The following KIN variants were observed in gnomAD, a reference collection of about 807,000 sequenced individuals.
KIN encodes the protein Kin17 DNA and RNA binding protein.
A neutral mutation model predicts 63.0 loss-of-function variants in KIN; 47 were observed. That is an observed-to-expected ratio of 0.75 (90% CI 0.59 to 0.95). The LOEUF is 0.95. Ranked by LOEUF, KIN falls within the 40% of genes least tolerant of loss-of-function variation. The pLI is 0.00. For missense variants in KIN, 408 were observed against 460.9 expected (o/e 0.89, Z 1.05); for synonymous variants, 160 against 157.7 (o/e 1.01, Z -0.11).
intron 7 of KIN, among the ~76,000 whole-genome samples, chr10:7,769,884 G>GT (rs769127357): frequency 5.2e-4 from 79 of 152,258 alleles, no homozygotes; most frequent in Non-Finnish European, 9.9e-4. Flanking sequence ...AGTTCTCAAC[G>GT]TGTTACTTAA....
rs374245592 is a variant in KIN at position 7,763,731 on chromosome 10, T to G, written c.910A>C (p.Ile304Leu). The G allele has an allele frequency of 1.5e-5, 22 of 1,486,502 alleles. No individual in the cohort carries two copies. Among genetic ancestry groups the G allele is most frequent in the Middle Eastern group, 1.7e-4 (1 of 5,804 alleles). 92.1% of individuals were successfully genotyped at this position (1,486,502 alleles called of 1,614,324 possible). The change falls in exon 10 of 13, where the codon ATT (isoleucine) becomes CTT (leucine). Residue 304 changes from isoleucine (I) to leucine (L), a missense_variant. Coordinates refer to ENST00000379562, the MANE Select transcript of KIN (RefSeq NM_012311.4). ...TAATTGCACGTCCTTACCTTAACAA[T>G]AGCCTTTTTCTTATGATATTTCTCT... ...LGEKYHKKKAIVKEVIDKYTA... is the reference protein window; with the variant it reads ...LGEKYHKKKALVKEVIDKYTA...
At chr10:7,778,762 C>CAACAAA (rs1554770685) in intron 5 of KIN, 76 bp downstream of exon 5, 1 of 1,473,760 alleles carries the variant, frequency 6.8e-7, no homozygotes. Context: ...ACAACAAAAA[C>CAACAAA]AAAAAAGAAA....
At chr10:7,760,553 C>T (rs908250695) in intron 11 of KIN, among the ~76,000 whole-genome samples, 2 of 152,170 alleles carry the variant, frequency 1.3e-5, no homozygotes, top group South Asian at 2.1e-4. Flanking sequence ...GTAGTCCCCC[C>T]TTATCCCAGG....
intron 1 of KIN, among the ~76,000 whole-genome samples, chr10:7,786,593 G>A (rs1051463171): frequency 6.0e-5 from 9 of 150,826 alleles, no homozygotes; most frequent in African/African-American, 2.0e-4. Flanking sequence ...GGGTGGGACC[G>A]TATCTCAAAA....
At chr10:7,765,159 C>CA (rs35343111) in intron 9 of KIN, among the ~76,000 whole-genome samples, 43,729 of 92,992 alleles carry the variant, frequency 0.47, 8,987 homozygotes, top group Non-Finnish European at 0.53. Context: ...AACTCCATCT[C>CA]AAAAAAAAAA....
chr10:7,762,207 G>A (rs767152125), intron 11 of KIN, among the ~76,000 whole-genome samples: 8 of 150,308 alleles, frequency 5.3e-5, no homozygotes, highest in Non-Finnish European at 1.0e-4. Flanking sequence ...ATATGTCTAC[G>A]TTTTGCTTCA....
intron 5 of KIN, among the ~76,000 whole-genome samples, chr10:7,778,430 C>A (rs1385344157): frequency 6.6e-6 from 1 of 152,128 alleles, no homozygotes; most frequent in Non-Finnish European, 1.5e-5. Flanking sequence ...GCCCACAGAA[C>A]TTGATTCAAC....
chr10:7,759,775 G>C lies in KIN; in HGVS notation c.1119+115C>G, dbSNP rs754831476. Reference sequence around the variant, plus strand: ...AATAAGCTTACAGATTTCCAAATAGGATAGAAGGCTAACAAAAAACTCAAA... The same window carrying C: ...AATAAGCTTACAGATTTCCAAATAGCATAGAAGGCTAACAAAAAACTCAAA... On this transcript the variant is annotated intron_variant, in intron 12 of 12. Transcript: ENST00000379562. 3 of 598,690 alleles carry C rather than the reference G, an allele frequency of 5.0e-6. No homozygotes were observed. The African/African-American group carries it at 5.8e-5, about 12-fold the overall frequency. The allele number at this position is 598,690 out of a possible 1,614,324, so 37.1% of individuals were successfully genotyped here.
chr10:7,774,907 GT>G lies in KIN; in HGVS notation c.608-17del. The G allele has an allele frequency of 6.3e-7, 1 of 1,583,354 alleles. No individual in the cohort carries two copies. ...TTAAACGTGACTAGAAGAAAAAAAT[GT>G]TATTCCATACATACATTTCAAGAAA... is the stretch of plus-strand genomic sequence containing the variant. On this transcript the variant is annotated splice_polypyrimidine_tract_variant and intron_variant, in intron 6 of 12. Transcript: ENST00000379562.
chr10:7,754,239 G>A lies in KIN; in HGVS notation c.*1841C>T, dbSNP rs1835288020. 6 of 375,548 alleles carry A rather than the reference G, an allele frequency of 1.6e-5. No homozygotes were observed. The Admixed American group carries it at 1.9e-4, about 12-fold the overall frequency. The allele number at this position is 375,548 out of a possible 1,614,324, so 23.3% of individuals were successfully genotyped here. ...CCAGCTACTCGGGAGGCTGAGGTGG[G>A]AGAATCAATGACCTAAGCCCAGGAG... On this transcript the variant is annotated 3_prime_UTR_variant, in exon 13 of 13. Coordinates refer to ENST00000379562, the MANE Select transcript of KIN (RefSeq NM_012311.4).
At chr10:7,771,369 C>T (rs575613747) in intron 7 of KIN, among the ~76,000 whole-genome samples, 3 of 152,306 alleles carry the variant, frequency 2.0e-5, no homozygotes, top group African/African-American at 7.2e-5. Flanking sequence ...CTATCATAAT[C>T]TGTTGGAAAT....
chr10:7,763,546 T>C (rs1193350884), intron 10 of KIN, among the ~76,000 whole-genome samples, 177 bp downstream of exon 10: 7 of 152,176 alleles, frequency 4.6e-5, no homozygotes, highest in Admixed American at 3.3e-4. Flanking sequence ...AAACTATGGA[T>C]GAAAAAGAAA....
intron 9 of KIN, among the ~76,000 whole-genome samples, chr10:7,764,236 TGC>T (rs1835495697): frequency 2.6e-5 from 4 of 152,234 alleles, no homozygotes; most frequent in African/African-American, 9.6e-5. Flanking sequence ...TGCAAGCTTA[TGC>T]AGGACAGTTC....
rs562264376 is a variant in KIN at position 7,771,642 on chromosome 10, C to T, written c.669-2297G>A. Among the ~76,000 whole-genome samples, 8 of 152,170 alleles carry T rather than the reference C, an allele frequency of 5.3e-5. No individual in the cohort carries two copies. In the South Asian group the frequency reaches 1.2e-3, roughly 24 times the overall value. Reference sequence around the variant, plus strand: ...GCGCGGTGGCTCATGCCTGAAATCCCGGCACTTTGGGAGGCTGAGACAGGT... The same window carrying T: ...GCGCGGTGGCTCATGCCTGAAATCCTGGCACTTTGGGAGGCTGAGACAGGT... On this transcript the variant is annotated intron_variant, in intron 7 of 12. Coordinates refer to ENST00000379562, the MANE Select transcript of KIN (RefSeq NM_012311.4).
intron 1 of KIN, among the ~76,000 whole-genome samples, chr10:7,786,781 C>T (rs892575210): frequency 1.3e-5 from 2 of 152,166 alleles, no homozygotes; most frequent in Non-Finnish European, 2.9e-5. Context: ...TTAAACCACC[C>T]AGTCTACTGC....
intron 7 of KIN, among the ~76,000 whole-genome samples, chr10:7,772,520 A>T (rs967099232): frequency 6.6e-6 from 1 of 152,224 alleles, no homozygotes; most frequent in African/African-American, 2.4e-5. Context: ...TTTGTGCCTC[A>T]ACATAGCCTA....
intron 5 of KIN, 31 bp downstream of exon 5, chr10:7,778,807 G>A (rs369408063): frequency 7.0e-5 from 112 of 1,602,604 alleles, no homozygotes; most frequent in African/African-American, 5.1e-4. Flanking sequence ...ACCTCTGGAC[G>A]TTGCTTCTCA....
chr10:7,778,875 T>G lies in KIN; in HGVS notation c.521A>C (p.Glu174Ala). The G allele has an allele frequency of 1.2e-6, 2 of 1,614,148 alleles. No individual in the cohort carries two copies. The highest frequency in any genetic ancestry group is 1.7e-6 in the Non-Finnish European group (2 of 1,180,026). The change falls in exon 5 of 13, where the codon GAA becomes GCA. Residue 174 changes from glutamate to alanine, a missense_variant. Physicochemically the swap from Glu to Ala is moderately radical, Grantham distance 107. Coordinates refer to ENST00000379562, the MANE Select transcript of KIN (RefSeq NM_012311.4). ...TTCCAGGCCTCTTCTCACTTGCTCTTCAATAAATTTGGCAGTTTTTTCTTC... is the reference window on the plus strand; with the variant it reads ...TTCCAGGCCTCTTCTCACTTGCTCTGCAATAAATTTGGCAGTTTTTTCTTC... ...DDEEKTAKFI[E>A]EQVRRGLEGK...
intron 9 of KIN, among the ~76,000 whole-genome samples, chr10:7,765,295 C>T (rs912848177): frequency 2.0e-5 from 3 of 151,722 alleles, no homozygotes; most frequent in Non-Finnish European, 2.9e-5. Context: ...CTTGTCTCTA[C>T]AAAAAATACA....
Sources: allele counts gnomAD v4.1 joint callset (sites outside exome capture counted in the v4.1 genomes callset), GRCh38; gene constraint gnomAD v4.1.1; transcripts MANE v1.5; gene names NCBI Gene and HGNC (gene_info 2026-07-23, HGNC 2026-07-21).